Variants in TEAD1 observed in about 807,000 individuals in gnomAD.
TEAD1 encodes transcriptional enhancer factor TEF-1.
TEAD1 carries 9 observed loss-of-function variants against 54.9 expected under a neutral mutation model. That is an observed-to-expected ratio of 0.16 (90% CI 0.10 to 0.29). The LOEUF is 0.29. Ranked by LOEUF, TEAD1 falls within the 10% of genes least tolerant of loss-of-function variation. TEAD1 has a pLI of 1.00. For missense variants in TEAD1, 387 were observed against 535.9 expected, an observed-to-expected ratio of 0.72 and a Z score of 2.74; for synonymous variants, 200 against 187.8, an observed-to-expected ratio of 1.07 and a Z score of -0.53.
At chr11:12,807,572 T>C (rs1946201740) in intron 3 of TEAD1, among the ~76,000 whole-genome samples, 2 of 152,176 alleles carry the variant, frequency 1.3e-5, no homozygotes, top group Admixed American at 1.3e-4. Context: ...GATTGAAAAG[T>C]ATAGGTAAAG....
At chr11:12,803,133 T>C (rs1344979616) in intron 3 of TEAD1, among the ~76,000 whole-genome samples, 1 of 152,006 alleles carries the variant, frequency 6.6e-6, no homozygotes. Context: ...ATAAAACTGC[T>C]GTTCTCTCCA....
At chr11:12,838,452 TTTAA>T (rs559314062) in intron 3 of TEAD1, among the ~76,000 whole-genome samples, 7 of 152,244 alleles carry the variant, frequency 4.6e-5, no homozygotes, top group African/African-American at 7.2e-5. Flanking sequence ...ATTGGTTTTC[TTTAA>T]TTAAGAATAC....
chr11:12,826,970 A>G (rs989622984), intron 3 of TEAD1, among the ~76,000 whole-genome samples: 1 of 152,134 alleles, frequency 6.6e-6, no homozygotes, highest in Non-Finnish European at 1.5e-5. Context: ...CCATGGTTTG[A>G]ATTCATAGAG....
intron 3 of TEAD1, among the ~76,000 whole-genome samples, chr11:12,821,278 C>T (rs1005492567): frequency 2.0e-5 from 3 of 152,172 alleles, no homozygotes; most frequent in Non-Finnish European, 2.9e-5. Flanking sequence ...TATATGAAAA[C>T]GAGAAGTTCA....
intron 2 of TEAD1, among the ~76,000 whole-genome samples, chr11:12,727,322 C>G (rs1189402976): frequency 6.6e-6 from 1 of 152,130 alleles, no homozygotes; most frequent in Non-Finnish European, 1.5e-5. Flanking sequence ...GATGGAGAGA[C>G]TGACGCAGGA....
rs2134183924 is a variant in TEAD1, at chr11:12,943,792, T to G, written c.*6570T>G. Reference sequence around the variant, plus strand: ...ATTTTCTATCATTAGTTTCACTGTGTAAATTAGATATCAACTGCACTTCTT... The same window carrying G: ...ATTTTCTATCATTAGTTTCACTGTGGAAATTAGATATCAACTGCACTTCTT... On this transcript the variant is annotated 3_prime_UTR_variant, in exon 13 of 13. Transcript: ENST00000527636. 1 of 152,270 alleles carries G rather than the reference T, an allele frequency of 6.6e-6. No homozygotes were observed. Among genetic ancestry groups the G allele is most frequent in the Non-Finnish European group, 1.5e-5 (1 of 68,020 alleles). The allele number at this position is 152,270 out of a possible 1,614,324, so 9.4% of individuals were successfully genotyped here. A position where few individuals can be genotyped will look rare whatever the true frequency, so the allele number is the denominator to read the frequency against.
In TEAD1 at chr11:12,821,955, C is replaced by T. The variant is rs368267914; in HGVS notation, c.203-40295C>T. ...TTCCTATACTCTCTCTCCTTTTTCT[C>T]TTTTCCTTTTTTTTTTTTTTTTTTT... On this transcript the variant is annotated intron_variant, in intron 3 of 12. Transcript: ENST00000527636. Among the ~76,000 whole-genome samples, 97 of 63,050 alleles carry T rather than the reference C, an allele frequency of 1.5e-3. 1 individual carries two copies. Among genetic ancestry groups the T allele is most frequent in the East Asian group, 9.4e-3 (14 of 1,482 alleles). The allele number at this position is 63,050 out of a possible 152,430, so 41.4% of individuals were successfully genotyped here.
chr11:12,686,838 T>G (rs1348741677), intron 2 of TEAD1, among the ~76,000 whole-genome samples: 2 of 152,234 alleles, frequency 1.3e-5, no homozygotes, highest in Non-Finnish European at 2.9e-5. Context: ...TGGTGGTTCT[T>G]TTGACACCAC....
intron 9 of TEAD1, among the ~76,000 whole-genome samples, chr11:12,888,938 G>T (rs960555691): frequency 1.3e-5 from 2 of 152,096 alleles, no homozygotes; most frequent in African/African-American, 4.8e-5. Context: ...GAATAATTAG[G>T]GGGATGATCG....
intron 2 of TEAD1, among the ~76,000 whole-genome samples, chr11:12,752,540 G>T (rs1000383421): frequency 1.2e-4 from 18 of 152,098 alleles, no homozygotes; most frequent in African/African-American, 3.9e-4. Context: ...ATATTTCTTT[G>T]TATCTTTTTT....
intron 11 of TEAD1, among the ~76,000 whole-genome samples, chr11:12,927,417 A>G (rs1010648692): frequency 2.6e-5 from 4 of 152,188 alleles, no homozygotes; most frequent in African/African-American, 9.6e-5. Context: ...GTGTCTACGT[A>G]TCCCAGTACC....
intron 10 of TEAD1, among the ~76,000 whole-genome samples, chr11:12,919,749 C>T (rs925112346): frequency 2.0e-5 from 3 of 152,132 alleles, no homozygotes; most frequent in Admixed American, 1.3e-4. Flanking sequence ...ATCCTCCTGC[C>T]TCAACCTCTG....
At chr11:12,677,679 C>T (rs1943126184) in intron 2 of TEAD1, among the ~76,000 whole-genome samples, 1 of 152,102 alleles carries the variant, frequency 6.6e-6, no homozygotes, top group African/African-American at 2.4e-5. Flanking sequence ...TCATATTTGT[C>T]CTTACATTTT....
intron 9 of TEAD1, among the ~76,000 whole-genome samples, chr11:12,889,474 G>T (rs16911710): frequency 0.094 from 14,248 of 152,260 alleles, 841 homozygotes; most frequent in East Asian, 0.26. Flanking sequence ...TCTCATGCCT[G>T]TTGTGGTCTG....
chr11:12,755,156 A>G (rs1159470726), intron 2 of TEAD1, among the ~76,000 whole-genome samples: 2 of 152,156 alleles, frequency 1.3e-5, no homozygotes, highest in Non-Finnish European at 2.9e-5. Flanking sequence ...CTCTCCAGGC[A>G]TTTACCTATA....
chr11:12,891,528 T>TGAAC (rs1948197533), intron 9 of TEAD1, among the ~76,000 whole-genome samples: 1 of 152,240 alleles, frequency 6.6e-6, no homozygotes, highest in Admixed American at 6.5e-5. Context: ...GACTGGGTGT[T>TGAAC]GGAGACCAAG....
intron 3 of TEAD1, among the ~76,000 whole-genome samples, chr11:12,771,669 A>G (rs1305667282): frequency 6.6e-6 from 1 of 152,138 alleles, no homozygotes; most frequent in Non-Finnish European, 1.5e-5. Context: ...ATGACCTGTA[A>G]GGAGTTGGAA....
intron 3 of TEAD1, among the ~76,000 whole-genome samples, chr11:12,829,009 C>CA (rs1431163221): frequency 6.6e-6 from 1 of 152,068 alleles, no homozygotes; most frequent in African/African-American, 2.4e-5. Flanking sequence ...AAGAAAATTT[C>CA]CTGCTTCCTC....
intron 5 of TEAD1, among the ~76,000 whole-genome samples, chr11:12,869,602 A>T (rs1947696504): frequency 6.6e-6 from 1 of 152,208 alleles, no homozygotes; most frequent in Non-Finnish European, 1.5e-5. Flanking sequence ...TTTTGTTGCA[A>T]AATTTAAACA....
Sources: allele counts gnomAD v4.1 joint callset (sites outside exome capture counted in the v4.1 genomes callset), GRCh38; gene constraint gnomAD v4.1.1; transcripts MANE v1.5; gene names NCBI Gene and HGNC (gene_info 2026-07-23, HGNC 2026-07-21).